The following HSD17B3 variants were observed in gnomAD, a reference collection of about 807,000 sequenced individuals.
The protein encoded by HSD17B3 is 17-beta-hydroxysteroid dehydrogenase type 3.
In HSD17B3, 29 loss-of-function variants were observed where a neutral mutation model predicts 41.1. The observed-to-expected ratio is 0.71, with a 90% CI of 0.53 to 0.96. The LOEUF (loss-of-function observed/expected upper bound fraction) is 0.96, where lower values mean the gene tolerates loss of function less well. HSD17B3 is among the 40% of genes least tolerant of loss of function. The probability of loss-of-function intolerance (pLI) is 0.00; values close to 1 mark genes in which losing one functional copy is unlikely to be tolerated. For missense variants in HSD17B3, 323 were observed against 374.6 expected (o/e 0.86, Z 1.14); for synonymous variants, 126 against 145.6 (o/e 0.87, Z 0.97).
chr9:96,292,392 G>A (rs1827191498), intron 2 of HSD17B3, among the ~76,000 whole-genome samples: 1 of 152,126 alleles, frequency 6.6e-6, no homozygotes, highest in South Asian at 2.1e-4. Flanking sequence ...TTGAGATGGA[G>A]TCTCACTCTT....
rs572105509 is a variant in HSD17B3 at position 96,270,956 on chromosome 9, G to C, written c.202-16013C>G. Among the ~76,000 whole-genome samples, 41 of 139,790 alleles carry C rather than the reference G, an allele frequency of 2.9e-4. 2 individuals carry two copies. The South Asian group carries it at 4.1e-3, about 14-fold the overall frequency. The allele number at this position is 139,790 out of a possible 152,430, so 91.7% of individuals were successfully genotyped here. Reference sequence around the variant, plus strand: ...GAGAAGATCTCTCAAATCCTCTCGGGGGGGGGGGTTAAGATTGATATTATC... The same window carrying C: ...GAGAAGATCTCTCAAATCCTCTCGGCGGGGGGGGTTAAGATTGATATTATC... On this transcript the variant is annotated intron_variant, in intron 2 of 10. Coordinates refer to ENST00000375263, the MANE Select transcript of HSD17B3 (RefSeq NM_000197.2).
intron 3 of HSD17B3, among the ~76,000 whole-genome samples, chr9:96,254,469 G>T (rs1825546881): frequency 2.6e-5 from 4 of 152,178 alleles, no homozygotes; most frequent in Admixed American, 1.3e-4. Context: ...AATTAGTTTA[G>T]CAAACAAACA....
intron 2 of HSD17B3, among the ~76,000 whole-genome samples, chr9:96,288,522 T>C (rs553089676): frequency 1.3e-5 from 2 of 152,272 alleles, no homozygotes; most frequent in African/African-American, 4.8e-5. Context: ...AGCTCATTTC[T>C]GTAATCCTAG....
chr9:96,253,621 C>T (rs1825514361), intron 3 of HSD17B3, among the ~76,000 whole-genome samples: 1 of 152,184 alleles, frequency 6.6e-6, no homozygotes, highest in South Asian at 2.1e-4. Flanking sequence ...CCCCACTACT[C>T]TGTGTTAACT....
At chr9:96,266,767 G>A (rs140876977) in intron 2 of HSD17B3, among the ~76,000 whole-genome samples, 37 of 152,256 alleles carry the variant, frequency 2.4e-4, no homozygotes, top group African/African-American at 8.9e-4. Context: ...ATCAGCCCCA[G>A]ATGCCCTTCT....
chr9:96,252,380 T>C (rs1021929283), intron 4 of HSD17B3, among the ~76,000 whole-genome samples: 2 of 151,706 alleles, frequency 1.3e-5, no homozygotes, highest in Non-Finnish European at 2.9e-5. Flanking sequence ...CCATCTCTAC[T>C]AAAAATACAA....
chr9:96,253,642 G>A (rs1231294759), intron 3 of HSD17B3, among the ~76,000 whole-genome samples: 2 of 152,094 alleles, frequency 1.3e-5, no homozygotes, highest in Admixed American at 6.6e-5. Flanking sequence ...TGCCTTCTGC[G>A]GGAGTTTTCC....
At chr9:96,246,363 C>G in intron 7 of HSD17B3, 193 bp downstream of exon 7, 1 of 655,478 alleles carries the variant, frequency 1.5e-6, no homozygotes, top group South Asian at 1.7e-5. Context: ...TTCACATGAG[C>G]TTGTCTGTCT....
At position 96,235,378 on chromosome 9, in the gene HSD17B3, A is replaced by G; in HGVS notation, c.*82T>C. On this transcript the variant is annotated 3_prime_UTR_variant, in exon 11 of 11. Transcript: ENST00000375263. The stretch of plus-strand genomic sequence containing the variant: ...CTCCATCTTCAGCGGACTAGGTTGA[A>G]GTGCTGGTCTGCTCCTCTGGTCCTC... The G allele has an allele frequency of 1.1e-6, 1 of 932,992 alleles. No homozygotes were observed. The highest frequency in any genetic ancestry group is 1.7e-6 in the Non-Finnish European group (1 of 579,654). The allele number at this position is 932,992 out of a possible 1,614,324, so 57.8% of individuals were successfully genotyped here. A position where few individuals can be genotyped will look rare whatever the true frequency, so the allele number is the denominator to read the frequency against.
At chr9:96,249,847 T>C in intron 5 of HSD17B3, 61 bp from the exon 6 acceptor site, 1 of 1,612,714 alleles carries the variant, frequency 6.2e-7, no homozygotes, top group Non-Finnish European at 8.5e-7. Context: ...TCCTGGAAAG[T>C]AGTTGGTGCT....
chr9:96,242,457 G>A (rs1392764155), intron 9 of HSD17B3, among the ~76,000 whole-genome samples: 2 of 152,184 alleles, frequency 1.3e-5, no homozygotes, highest in African/African-American at 2.4e-5. Flanking sequence ...GGCTCACAGA[G>A]TTTAAACAAG....
At chr9:96,247,432 A>T (rs1021501246) in intron 6 of HSD17B3, 1 of 152,446 alleles carries the variant, frequency 6.6e-6, no homozygotes, top group African/African-American at 2.4e-5. Context: ...CATGCTGTCC[A>T]GGGGCCCTGC....
At chr9:96,298,669 G>A (rs897187795) in intron 1 of HSD17B3, among the ~76,000 whole-genome samples, 1 of 151,662 alleles carries the variant, frequency 6.6e-6, no homozygotes, top group South Asian at 2.1e-4. Flanking sequence ...TGGTTGGTTG[G>A]TTGGTTTGTT....
chr9:96,259,136 C>A (rs1825769597), intron 2 of HSD17B3, among the ~76,000 whole-genome samples: 1 of 152,152 alleles, frequency 6.6e-6, no homozygotes, highest in Non-Finnish European at 1.5e-5. Context: ...CTTTCATTTG[C>A]AGAATGAGTC....
chr9:96,290,783 G>A (rs532838499), intron 2 of HSD17B3, among the ~76,000 whole-genome samples: 8 of 151,888 alleles, frequency 5.3e-5, no homozygotes, highest in Admixed American at 4.6e-4. Context: ...GCAGTAAGCC[G>A]AGATCGCGCC....
intron 2 of HSD17B3, among the ~76,000 whole-genome samples, chr9:96,278,504 T>C (rs927807991): frequency 6.6e-6 from 1 of 152,156 alleles, no homozygotes; most frequent in African/African-American, 2.4e-5. Context: ...GGCAGTGCTC[T>C]TGAAATGGGT....
In HSD17B3 at chr9:96,278,981, G is replaced by A. The variant is rs80098014; in HGVS notation, c.201+19435C>T. On this transcript the variant is annotated intron_variant, in intron 2 of 10. Transcript: ENST00000375263. ...ATGTCTTGCATGAGGGCTCATCCCC[G>A]GTAGATAAAATATTCTAAGGGGTGG... Among the ~76,000 whole-genome samples the A allele has an allele frequency of 1.0e-2, 1,516 of 152,178 alleles. 36 individuals are homozygous for A. The highest frequency in any genetic ancestry group is 0.034 in the African/African-American group (1,424 of 41,504).
chr9:96,293,425 T>G (rs1192072866), intron 2 of HSD17B3, among the ~76,000 whole-genome samples: 1 of 151,574 alleles, frequency 6.6e-6, no homozygotes, highest in Admixed American at 6.6e-5. Context: ...TGCCTCTTCT[T>G]GGGTCTCCAA....
chr9:96,272,425 ATATATATATATATATATATAT>A (rs767828674), intron 2 of HSD17B3, among the ~76,000 whole-genome samples: 16 of 46,262 alleles, frequency 3.5e-4, no homozygotes, highest in Admixed American at 7.9e-4. Context: ...ATATATATAT[ATATATATATATATATATATAT>A]AAAATATATA....
Sources: gnomAD v4.1 joint callset for allele counts (sites outside exome capture counted in the v4.1 genomes callset) on GRCh38, gnomAD v4.1.1 for gene constraint, MANE v1.5 for transcripts, NCBI Gene and HGNC (gene_info 2026-07-23, HGNC 2026-07-21) for gene names.